Variants in ENTREP2 observed in about 807,000 individuals in gnomAD.
ENTREP2 encodes protein ENTREP2.
At chr15:29,260,353 A>G in the ENTREP2 span, among the ~76,000 whole-genome samples, 2 of 152,210 alleles carry the variant, frequency 1.3e-5, no homozygotes, top group Non-Finnish European at 2.9e-5. Flanking sequence ...ATTAAATCAT[A>G]CAAAGTACCT....
At chr15:29,160,062 G>A in the ENTREP2 span, among the ~76,000 whole-genome samples, 4 of 152,232 alleles carry the variant, frequency 2.6e-5, no homozygotes, top group Non-Finnish European at 5.9e-5. Flanking sequence ...CCTGAGCCTT[G>A]CCCAGAGGGA....
the ENTREP2 span, among the ~76,000 whole-genome samples, chr15:29,430,104 G>A: frequency 2.0e-5 from 3 of 152,198 alleles, no homozygotes; most frequent in African/African-American, 7.2e-5. Context: ...GGAGGAAGCG[G>A]AAACAAGAAA....
the ENTREP2 span, chr15:29,151,951 C>T: frequency 1.3e-6 from 1 of 797,422 alleles, no homozygotes; most frequent in South Asian, 1.5e-5. Context: ...CCATCCACTT[C>T]ATGGAGGTTT....
At chr15:29,566,539 C>T in the ENTREP2 span, among the ~76,000 whole-genome samples, 8,393 of 152,050 alleles carry the variant, frequency 0.055, 707 homozygotes, top group East Asian at 0.36. Context: ...TCACTGCAAC[C>T]TCCGCCTCCT....
At chr15:29,618,422 C>CAAA in the ENTREP2 span, among the ~76,000 whole-genome samples, 1 of 80,216 alleles carries the variant, frequency 1.2e-5, no homozygotes, top group Admixed American at 1.4e-4. Context: ...GACTCTGTCT[C>CAAA]AAAAAAAAAA....
At chr15:29,558,585 C>T in the ENTREP2 span, among the ~76,000 whole-genome samples, 133,935 of 146,986 alleles carry the variant, frequency 0.91, 61,109 homozygotes, top group African/African-American at 0.95. Context: ...ACGGCTGACC[C>T]TGAAAAACCC....
chr15:29,662,755 G>A, the ENTREP2 span, among the ~76,000 whole-genome samples: 27 of 151,842 alleles, frequency 1.8e-4, no homozygotes, highest in East Asian at 2.7e-3. Flanking sequence ...AGTTTCTCTC[G>A]TGTTGCCCAG....
chr15:29,379,315 G>C, the ENTREP2 span, among the ~76,000 whole-genome samples: 1 of 152,202 alleles, frequency 6.6e-6, no homozygotes, highest in African/African-American at 2.4e-5. Flanking sequence ...GGCCACGCCT[G>C]ACCTGGACAG....
chr15:29,377,862 T>A, the ENTREP2 span, among the ~76,000 whole-genome samples: 11 of 100,968 alleles, frequency 1.1e-4, no homozygotes, highest in Middle Eastern at 5.1e-3. Context: ...ATAATAATAA[T>A]AAAAAAATGA....
chr15:29,461,969 T>A, the ENTREP2 span, among the ~76,000 whole-genome samples: 1 of 152,180 alleles, frequency 6.6e-6, no homozygotes, highest in African/African-American at 2.4e-5. Context: ...GTTTGACTAC[T>A]CTATGTCCCT....
the ENTREP2 span, among the ~76,000 whole-genome samples, chr15:29,286,729 T>C: frequency 1.3e-5 from 2 of 152,212 alleles, no homozygotes; most frequent in Admixed American, 1.3e-4. Context: ...GCAGCCAGCA[T>C]CAAAGTTCCA....
the ENTREP2 span, among the ~76,000 whole-genome samples, chr15:29,545,475 T>C: frequency 6.6e-6 from 1 of 152,224 alleles, no homozygotes; most frequent in Non-Finnish European, 1.5e-5. Flanking sequence ...AGTTTTGTGA[T>C]CTTGAGTAAA....
the ENTREP2 span, among the ~76,000 whole-genome samples, chr15:29,475,725 G>C: frequency 6.6e-6 from 1 of 152,234 alleles, no homozygotes; most frequent in Non-Finnish European, 1.5e-5. Flanking sequence ...GGCTGTCCCA[G>C]AGAGGGGTAT....
At chr15:29,652,307 T>G in the ENTREP2 span, among the ~76,000 whole-genome samples, 1 of 152,040 alleles carries the variant, frequency 6.6e-6, no homozygotes, top group African/African-American at 2.4e-5. Flanking sequence ...GACACCCTGG[T>G]TGCAAAAAGG....
chr15:29,643,547 C>T, the ENTREP2 span, among the ~76,000 whole-genome samples: 3 of 152,164 alleles, frequency 2.0e-5, no homozygotes, highest in South Asian at 2.1e-4. Context: ...CTTTGGGAGG[C>T]GGAAGCAGGT....
chr15:29,141,673 G>C, the ENTREP2 span, among the ~76,000 whole-genome samples: 12 of 152,300 alleles, frequency 7.9e-5, no homozygotes, highest in East Asian at 3.9e-4. Context: ...ACACACCTCT[G>C]AATTTTTCCA....
At chr15:29,663,317 C>T in the ENTREP2 span, among the ~76,000 whole-genome samples, 368 of 151,994 alleles carry the variant, frequency 2.4e-3, 1 homozygote, top group Non-Finnish European at 3.9e-3. Context: ...GTCAGGAGTT[C>T]GAGACCAGCC....
the ENTREP2 span, among the ~76,000 whole-genome samples, chr15:29,444,156 GAAAGAAAGACAGAC>G: frequency 0.079 from 9,230 of 117,440 alleles, 1,118 homozygotes; most frequent in Non-Finnish European, 0.088. Flanking sequence ...AAGACAGACA[GAAAGAAAGACAGAC>G]AAAGAAAGAA....
At chr15:29,471,001 C>G in the ENTREP2 span, among the ~76,000 whole-genome samples, 3 of 152,148 alleles carry the variant, frequency 2.0e-5, no homozygotes, top group Non-Finnish European at 4.4e-5. Context: ...GCTAAGTAAA[C>G]AGAGGTGGGG....
Sources: allele counts gnomAD v4.1 joint callset (sites outside exome capture counted in the v4.1 genomes callset), GRCh38; gene constraint gnomAD v4.1.1; transcripts MANE v1.5; gene names NCBI Gene and HGNC (gene_info 2026-07-23, HGNC 2026-07-21).